Variants in PDE1A observed in about 807,000 individuals in gnomAD.
PDE1A encodes the protein dual specificity calcium/calmodulin-dependent 3',5'-cyclic nucleotide phosphodiesterase 1A.
A neutral mutation model predicts 61.7 loss-of-function variants in PDE1A; 35 were observed. That is an observed-to-expected ratio of 0.57 (90% CI 0.43 to 0.75). The LOEUF is 0.75. PDE1A is among the 30% of genes least tolerant of loss of function. The pLI, the probability that PDE1A is intolerant of heterozygous loss-of-function variation, is 0.00. For missense variants in PDE1A, 597 were observed against 630.6 expected (o/e 0.95, Z 0.57); for synonymous variants, 232 against 213.2 (o/e 1.09, Z -0.77).
chr2:182,620,981 G>T, the PDE1A span, among the ~76,000 whole-genome samples: 28 of 152,110 alleles, frequency 1.8e-4, no homozygotes, highest in African/African-American at 6.3e-4. Context: ...GAGACAATTC[G>T]CATTCCTGCC....
At chr2:182,512,006 G>A (rs935557057) in intron 2 of PDE1A, among the ~76,000 whole-genome samples, 1 of 152,118 alleles carries the variant, frequency 6.6e-6, no homozygotes, top group African/African-American at 2.4e-5. Context: ...CCAGTGCACA[G>A]GCAGATCCCA....
At chr2:182,577,513 T>C in the PDE1A span, among the ~76,000 whole-genome samples, 1 of 152,312 alleles carries the variant, frequency 6.6e-6, no homozygotes, top group South Asian at 2.1e-4. Flanking sequence ...AGATAAATAG[T>C]CACACAAGAC....
intron 1 of PDE1A, among the ~76,000 whole-genome samples, chr2:182,407,894 T>C (rs1428677422): frequency 6.6e-6 from 1 of 152,188 alleles, no homozygotes; most frequent in Non-Finnish European, 1.5e-5. Flanking sequence ...GTATATGTTA[T>C]ATATGTGTGT....
chr2:182,422,760 A>G (rs1703362794), intron 1 of PDE1A, among the ~76,000 whole-genome samples: 1 of 152,224 alleles, frequency 6.6e-6, no homozygotes, highest in Non-Finnish European at 1.5e-5. Context: ...CTCTGGGAAT[A>G]TAGAAACAAA....
intron 1 of PDE1A, among the ~76,000 whole-genome samples, chr2:182,408,181 C>CAA (rs5836834): frequency 0.027 from 3,173 of 115,948 alleles, 114 homozygotes; most frequent in African/African-American, 0.085. Context: ...AAGTATCTGC[C>CAA]AAAAAAAAAA....
At chr2:182,623,713 C>T in the PDE1A span, among the ~76,000 whole-genome samples, 3 of 152,184 alleles carry the variant, frequency 2.0e-5, no homozygotes, top group African/African-American at 7.2e-5. Flanking sequence ...ATATCATTGA[C>T]TTCATTTCTG....
At chr2:182,447,118 T>TACACACACACAC (rs143408471) in intron 2 of PDE1A, among the ~76,000 whole-genome samples, 2 of 149,304 alleles carry the variant, frequency 1.3e-5, no homozygotes, top group Non-Finnish European at 3.0e-5. Context: ...TTTTTTCACT[T>TACACACACACAC]ACACACACAC....
chr2:182,472,612 G>A (rs1326431189), intron 2 of PDE1A, among the ~76,000 whole-genome samples: 1 of 151,746 alleles, frequency 6.6e-6, no homozygotes, highest in African/African-American at 2.4e-5. Flanking sequence ...GGTACAAAGT[G>A]CATTACTCTA....
chr2:182,414,185 C>G (rs1044890180), intron 1 of PDE1A, among the ~76,000 whole-genome samples: 1 of 151,958 alleles, frequency 6.6e-6, no homozygotes, highest in East Asian at 1.9e-4. Context: ...GATTCCTGGT[C>G]TACATTTTGA....
intron 2 of PDE1A, among the ~76,000 whole-genome samples, chr2:182,438,729 A>T (rs1047704651): frequency 6.6e-6 from 1 of 152,010 alleles, no homozygotes; most frequent in African/African-American, 2.4e-5. Flanking sequence ...AAATTACAGG[A>T]GACGAATCTG....
chr2:182,496,836 T>A (rs554444391), intron 2 of PDE1A, among the ~76,000 whole-genome samples: 1 of 152,216 alleles, frequency 6.6e-6, no homozygotes, highest in South Asian at 2.1e-4. Context: ...GCTAATCCAG[T>A]AGTGGCCCTG....
intron 2 of PDE1A, among the ~76,000 whole-genome samples, chr2:182,461,787 A>G (rs4666584): frequency 0.18 from 27,603 of 151,932 alleles, 3,004 homozygotes; most frequent in Middle Eastern, 0.33. Flanking sequence ...TTTCCTCTGC[A>G]TATCTCAGCT....
rs144207443 is a variant in PDE1A, at chr2:182,171,843, T to A, written c.1517-3553A>T. The stretch of plus-strand genomic sequence containing the variant: ...CAAAGACTTAGCTTACTCTGCCCCA[T>A]CATCTCTGTTCGACAGTGCAACATC... On this transcript the variant is annotated intron_variant, in intron 13 of 13. Transcript: ENST00000351439. Among the ~76,000 whole-genome samples, 1,140 of 151,626 alleles carry A rather than the reference T, an allele frequency of 7.5e-3. 6 individuals carry two copies. The highest frequency in any genetic ancestry group is 0.014 in the Middle Eastern group (4 of 294).
intron 1 of PDE1A, among the ~76,000 whole-genome samples, chr2:182,395,613 G>A (rs1019708137): frequency 1.3e-5 from 2 of 152,164 alleles, no homozygotes; most frequent in African/African-American, 2.4e-5. Context: ...CCCATTTACT[G>A]AGCGACCTGA....
the PDE1A span, among the ~76,000 whole-genome samples, chr2:182,648,376 C>A: frequency 6.6e-6 from 1 of 151,544 alleles, no homozygotes; most frequent in Admixed American, 6.6e-5. Context: ...TAAGTAGATG[C>A]AGTAATAAGT....
chr2:182,263,773 T>C (rs919583967), intron 2 of PDE1A, among the ~76,000 whole-genome samples: 1 of 152,176 alleles, frequency 6.6e-6, no homozygotes, highest in African/African-American at 2.4e-5. Flanking sequence ...TAAGTCCCCC[T>C]TTCCTAATCT....
chr2:182,237,230 C>A lies in PDE1A; in HGVS notation c.351-2732G>T, dbSNP rs569798861. Among the ~76,000 whole-genome samples, 449 of 152,276 alleles carry A rather than the reference C, an allele frequency of 2.9e-3. 2 individuals carry two copies. Among genetic ancestry groups the A allele is most frequent in the African/African-American group, 0.01 (429 of 41,556 alleles). Reference sequence around the variant, plus strand: ...TTTTAAGGACGGGCGCAGTGACTCACGCCTGTAATCCCAGAACTTTGGGAG... The same window carrying A: ...TTTTAAGGACGGGCGCAGTGACTCAAGCCTGTAATCCCAGAACTTTGGGAG... On this transcript the variant is annotated intron_variant, in intron 3 of 13. Transcript: ENST00000351439.
At chr2:182,538,738 G>C in the PDE1A span, among the ~76,000 whole-genome samples, 2 of 152,092 alleles carry the variant, frequency 1.3e-5, no homozygotes, top group Non-Finnish European at 2.9e-5. Flanking sequence ...TATATTCCAT[G>C]ACATTTGTTA....
chr2:182,590,742 T>C, the PDE1A span, among the ~76,000 whole-genome samples: 1 of 152,200 alleles, frequency 6.6e-6, no homozygotes, highest in Non-Finnish European at 1.5e-5. Context: ...TTCCATTAAA[T>C]ATAGGGAAAA....
Sources: gnomAD v4.1 joint callset for allele counts (sites outside exome capture counted in the v4.1 genomes callset) on GRCh38, gnomAD v4.1.1 for gene constraint, MANE v1.5 for transcripts, NCBI Gene and HGNC (gene_info 2026-07-23, HGNC 2026-07-21) for gene names.